Variants in RANBP2 observed in about 807,000 individuals in gnomAD.
RANBP2 encodes the protein E3 SUMO-protein ligase RanBP2.
Under a neutral mutation model 303.6 loss-of-function variants are expected in RANBP2, and 57 were observed. The observed-to-expected ratio is 0.19, with a 90% CI of 0.15 to 0.23. The LOEUF (loss-of-function observed/expected upper bound fraction) is 0.23, where lower values mean the gene tolerates loss of function less well. Ranked by LOEUF, RANBP2 falls within the 10% of genes least tolerant of loss-of-function variation. RANBP2 has a pLI of 1.00. For synonymous variants in RANBP2, 1,167 were observed against 1,301.5 expected (o/e 0.90, Z 2.23); for missense variants, 3,138 against 3,780.8 (o/e 0.83, Z 4.46).
chr2:109,349,703 C>G, the RANBP2 span, among the ~76,000 whole-genome samples: 2 of 152,234 alleles, frequency 1.3e-5, no homozygotes, highest in Admixed American at 6.5e-5. Flanking sequence ...GGAGGAGGCT[C>G]TCCACTCGGG....
chr2:109,544,023 A>C, the RANBP2 span: 4 of 830,142 alleles, frequency 4.8e-6, no homozygotes, highest in Non-Finnish European at 5.6e-6. Flanking sequence ...TCGGGTGGGG[A>C]ATTTTCCACT....
the RANBP2 span, among the ~76,000 whole-genome samples, chr2:109,457,149 A>G: frequency 6.6e-6 from 1 of 152,362 alleles, no homozygotes; most frequent in Admixed American, 6.5e-5. Flanking sequence ...TGTTGGGAGT[A>G]GTAAATTTAG....
chr2:109,352,455 G>A, the RANBP2 span, among the ~76,000 whole-genome samples: 1 of 152,212 alleles, frequency 6.6e-6, no homozygotes, highest in Non-Finnish European at 1.5e-5. Context: ...CACCAGCAGA[G>A]CCAGGCGATG....
the RANBP2 span, among the ~76,000 whole-genome samples, chr2:109,609,635 G>T: frequency 1.5e-5 from 2 of 132,922 alleles, no homozygotes; most frequent in Non-Finnish European, 1.6e-5. Context: ...AAAAAAAAAA[G>T]ATCAAGAAAG....
At chr2:109,065,490 G>C in the RANBP2 span, among the ~76,000 whole-genome samples, 1 of 152,052 alleles carries the variant, frequency 6.6e-6, no homozygotes, top group Non-Finnish European at 1.5e-5. Flanking sequence ...ATCAGCCCTC[G>C]TTCAGCCCAG....
the RANBP2 span, among the ~76,000 whole-genome samples, chr2:108,867,991 G>A: frequency 6.6e-6 from 1 of 152,160 alleles, no homozygotes; most frequent in African/African-American, 2.4e-5. Context: ...TCTTATCTGA[G>A]GAACTTGGAT....
chr2:108,812,641 C>G, the RANBP2 span: 1 of 1,611,260 alleles, frequency 6.2e-7, no homozygotes, highest in African/African-American at 1.3e-5. Context: ...TTAAATGAAG[C>G]AAGTGAAGAA....
the RANBP2 span, chr2:108,929,403 GAC>G: frequency 6.2e-7 from 1 of 1,613,104 alleles, no homozygotes; most frequent in Non-Finnish European, 8.5e-7. Flanking sequence ...GAGGACAGGG[GAC>G]ACAGGTGAGT....
the RANBP2 span, among the ~76,000 whole-genome samples, chr2:109,711,752 G>A: frequency 6.6e-6 from 1 of 152,050 alleles, no homozygotes; most frequent in Non-Finnish European, 1.5e-5. Flanking sequence ...CAATTATGAG[G>A]GGCCTTTCCA....
the RANBP2 span, among the ~76,000 whole-genome samples, chr2:109,215,489 G>A: frequency 4.2e-4 from 64 of 151,972 alleles, no homozygotes; most frequent in Admixed American, 1.3e-3. Flanking sequence ...GGAGGTAGCC[G>A]GGCCCTGATT....
the RANBP2 span, among the ~76,000 whole-genome samples, chr2:109,526,923 C>T: frequency 3.3e-5 from 5 of 152,090 alleles, no homozygotes; most frequent in Non-Finnish European, 5.9e-5. Flanking sequence ...GACTCTAGCA[C>T]GAGGCTCGAG....
chr2:109,148,992 T>C, the RANBP2 span, among the ~76,000 whole-genome samples: 1 of 152,250 alleles, frequency 6.6e-6, no homozygotes, highest in East Asian at 1.9e-4. Context: ...TTTCCCTGTT[T>C]GCACTTCTGG....
chr2:108,744,701 A>G (rs1431419146), intron 7 of RANBP2, among the ~76,000 whole-genome samples: 1 of 152,244 alleles, frequency 6.6e-6, no homozygotes, highest in African/African-American at 2.4e-5. Flanking sequence ...AGGTTCATAA[A>G]TCATATATTT....
At chr2:109,262,692 A>T in the RANBP2 span, among the ~76,000 whole-genome samples, 10 of 152,364 alleles carry the variant, frequency 6.6e-5, no homozygotes, top group East Asian at 1.9e-3. Flanking sequence ...TCAAGTTATT[A>T]TCAGGAGATA....
the RANBP2 span, among the ~76,000 whole-genome samples, chr2:109,030,300 C>T: frequency 6.6e-6 from 1 of 152,178 alleles, no homozygotes; most frequent in Non-Finnish European, 1.5e-5. Context: ...GAAGACCCAG[C>T]CTTCTCCTCT....
At chr2:109,575,742 T>C in the RANBP2 span, among the ~76,000 whole-genome samples, 1 of 152,202 alleles carries the variant, frequency 6.6e-6, no homozygotes, top group African/African-American at 2.4e-5. Context: ...CTGGAAACCT[T>C]TGTAATTATC....
the RANBP2 span, among the ~76,000 whole-genome samples, chr2:109,314,645 C>G: frequency 6.6e-6 from 1 of 152,214 alleles, no homozygotes; most frequent in Non-Finnish European, 1.5e-5. Context: ...TTTGTATAAA[C>G]TTGTAAATTA....
chr2:109,303,979 T>C, the RANBP2 span, among the ~76,000 whole-genome samples: 1 of 152,092 alleles, frequency 6.6e-6, no homozygotes, highest in Non-Finnish European at 1.5e-5. Context: ...CACTTGCCTA[T>C]AATCTCAGCT....
chr2:108,916,039 G>C, the RANBP2 span, among the ~76,000 whole-genome samples: 4 of 152,202 alleles, frequency 2.6e-5, no homozygotes, highest in Non-Finnish European at 5.9e-5. Flanking sequence ...GAAGTCTCCA[G>C]TGTGATAAGG....
Sources: allele counts gnomAD v4.1 joint callset (sites outside exome capture counted in the v4.1 genomes callset), GRCh38; gene constraint gnomAD v4.1.1; transcripts MANE v1.5; gene names NCBI Gene and HGNC (gene_info 2026-07-23, HGNC 2026-07-21).